ITIH6: variants seen among roughly 807,000 people sequenced by gnomAD.
ITIH6 encodes inter-alpha-trypsin inhibitor heavy chain H6.
Under a neutral mutation model 58.2 loss-of-function variants are expected in ITIH6, and 60 were observed. That is an observed-to-expected ratio of 1.03 (90% CI 0.84 to 1.28). ITIH6 has a LOEUF of 1.28. ITIH6 is among the 50% of genes most tolerant of loss of function. The probability of loss-of-function intolerance (pLI) is 0.00; values close to 1 mark genes in which losing one functional copy is unlikely to be tolerated. For synonymous variants in ITIH6, 493 were observed against 417.4 expected (o/e 1.18, Z -2.21); for missense variants, 1,290 against 1,021.1 (o/e 1.26, Z -3.59).
intron 4 of ITIH6, among the ~76,000 whole-genome samples, chrX:54,788,933 C>T (rs749174427): frequency 8.0e-5 from 9 of 112,521 alleles, no homozygotes; most frequent in African/African-American, 2.6e-4. Context: ...GCAACCTCAC[C>T]CTGCTTCATT....
Position 54,751,091 on chromosome X carries a change from G to A in ITIH6, c.3642C>T (p.Tyr1214=). 1 of 1,204,912 alleles carries A rather than the reference G, an allele frequency of 8.3e-7. No homozygotes were observed. Among genetic ancestry groups the A allele is most frequent in the Non-Finnish European group, 1.1e-6 (1 of 892,097 alleles). Reference sequence around the variant, plus strand: ...GTAGTTGCAGGGTACTGGGATGCCTGTAGCGGTGTCGGAGGACTAGGAACT... The same window carrying A: ...GTAGTTGCAGGGTACTGGGATGCCTATAGCGGTGTCGGAGGACTAGGAACT... ...YLEFLVLRHR[Y]RHPSTLQLPH... The change falls in exon 12 of 13, where the codon TAC becomes TAT. Residue 1214 remains tyrosine (Y), a synonymous_variant. Coordinates refer to ENST00000218436, the MANE Select transcript of ITIH6 (RefSeq NM_198510.3).
intron 8 of ITIH6, among the ~76,000 whole-genome samples, chrX:54,756,061 G>T (rs988506403): frequency 2.7e-5 from 3 of 111,009 alleles, no homozygotes; most frequent in African/African-American, 6.6e-5. Context: ...GTGGGAAGTG[G>T]ATGGATTTGG....
intron 6 of ITIH6, among the ~76,000 whole-genome samples, chrX:54,771,141 G>C (rs1928940076): frequency 8.9e-6 from 1 of 111,816 alleles, no homozygotes; most frequent in Admixed American, 9.5e-5. Context: ...TCTGCTGTCT[G>C]AATATGATAT....
At position 54,753,682 on chromosome X, in the gene ITIH6, G is replaced by A; in HGVS notation, c.3321C>T (p.Asp1107=). The A allele has an allele frequency of 8.3e-7, 1 of 1,210,707 alleles. No homozygotes were observed. Among genetic ancestry groups the A allele is most frequent in the Non-Finnish European group, 1.1e-6 (1 of 894,746 alleles). ...TTGGGTCCTCTATGAGCTGCAGCAA[G>A]TCCCCAGGGTGCCCATTCAGTGTGA... The part of the protein sequence containing the change: ...ICFTLNGHPG[D]LLQLIEDPKA... Residue 1107 remains aspartate (D), a synonymous_variant, in exon 11 of 13, where the codon GAC becomes GAT. Transcript: ENST00000218436.
At chrX:54,781,459 G>A (rs1385547645) in intron 5 of ITIH6, among the ~76,000 whole-genome samples, 1 of 111,937 alleles carries the variant, frequency 8.9e-6, no homozygotes, top group Non-Finnish European at 1.9e-5. Flanking sequence ...ACATACATGC[G>A]GCTAACAACC....
In ITIH6 at chrX:54,751,264, T is replaced by G. The variant is rs1417969444; in HGVS notation, c.3469A>C (p.Ile1157Leu). 1 of 1,209,886 alleles carries G rather than the reference T, an allele frequency of 8.3e-7. No homozygotes were observed. Among genetic ancestry groups the G allele is most frequent in the African/African-American group, 1.8e-5 (1 of 57,129 alleles). ...GATATAGAACTGCGGCTGATGGTGA[T>G]AGTATAGGCCCGGGGTTTGTCTGTA... ...VTTDKPRAYTITISRSSISLR... is the reference protein window; with the variant it reads ...VTTDKPRAYTLTISRSSISLR... The change falls in exon 12 of 13, where the codon ATC (isoleucine) becomes CTC (leucine). Residue 1157 changes from isoleucine to leucine, a missense_variant. Transcript: ENST00000218436.
intron 9 of ITIH6, among the ~76,000 whole-genome samples, chrX:54,754,216 C>G (rs186046237): frequency 9.0e-6 from 1 of 111,588 alleles, no homozygotes; most frequent in East Asian, 2.8e-4. Context: ...TTTTCCTTTC[C>G]CTTAACTACC....
At chrX:54,787,524 G>C (rs755423839) in intron 5 of ITIH6, 1 of 111,347 alleles carries the variant, frequency 9.0e-6, no homozygotes, top group African/African-American at 3.3e-5. Flanking sequence ...GGCTGTGTCC[G>C]ACTCACTTCT....
intron 8 of ITIH6, among the ~76,000 whole-genome samples, chrX:54,756,393 T>C (rs955853822): frequency 3.7e-4 from 41 of 112,085 alleles, no homozygotes; most frequent in African/African-American, 1.2e-3. Context: ...AAAATGACGA[T>C]GTCAAGAAAG....
chrX:54,770,303 G>A (rs1416659939), intron 6 of ITIH6, among the ~76,000 whole-genome samples: 3 of 112,247 alleles, frequency 2.7e-5, no homozygotes, highest in Non-Finnish European at 5.6e-5. Context: ...AGATGAACCC[G>A]GTACCTCAGA....
chrX:54,767,909 G>A (rs1359720647), intron 6 of ITIH6, among the ~76,000 whole-genome samples: 11 of 76,385 alleles, frequency 1.4e-4, no homozygotes, highest in Admixed American at 3.0e-4. Flanking sequence ...TATTAGGTCC[G>A]CTTGGTGCAG....
intron 4 of ITIH6, among the ~76,000 whole-genome samples, chrX:54,789,186 G>A (rs1929299623): frequency 8.9e-6 from 1 of 111,830 alleles, no homozygotes; most frequent in African/African-American, 3.3e-5. Flanking sequence ...TCTGACTCTG[G>A]GCATCATGTG....
chrX:54,753,980 G>C lies in ITIH6; in HGVS notation c.3203-15C>G. The C allele has an allele frequency of 8.3e-7, 1 of 1,206,692 alleles. No individual in the cohort carries two copies. The highest frequency in any genetic ancestry group is 1.1e-6 in the Non-Finnish European group (1 of 891,884). Reference sequence around the variant, plus strand: ...AGGCAATGTGCCTGCAAAGGAGAGAGAGACTGTGTTGGGAAGGGACTAATG... The same window carrying C: ...AGGCAATGTGCCTGCAAAGGAGAGACAGACTGTGTTGGGAAGGGACTAATG... On this transcript the variant is annotated splice_polypyrimidine_tract_variant and intron_variant, in intron 9 of 12. Coordinates refer to ENST00000218436, the MANE Select transcript of ITIH6 (RefSeq NM_198510.3).
chrX:54,796,534 A>T (rs1278127818), intron 2 of ITIH6, among the ~76,000 whole-genome samples: 1 of 109,588 alleles, frequency 9.1e-6, no homozygotes, highest in Non-Finnish European at 1.9e-5. Flanking sequence ...AGTACAAAAA[A>T]TTAGCCGGGT....
chrX:54,760,365 G>A (rs1045866133), intron 6 of ITIH6, among the ~76,000 whole-genome samples: 48 of 110,927 alleles, frequency 4.3e-4, no homozygotes, highest in African/African-American at 1.5e-3. Flanking sequence ...TAGAGCTCTA[G>A]AATTCATTTG....
Position 54,750,060 on chromosome X carries a change from C to A in ITIH6, c.3777G>T (p.Gly1259=), listed in dbSNP as rs199619872. Residue 1259 remains glycine (G), a synonymous_variant, in exon 13 of 13, where the codon GGG becomes GGT. Transcript: ENST00000218436. ...GGCCATGGTGCCTTCGTAAGCATGG[C>A]CCCATAGGTCCTGTCACCAGTCGGA... ...ADIRLVTGPM[G]PCLRRHHGPD... The A allele has an allele frequency of 1.7e-6, 2 of 1,210,649 alleles. No homozygotes were observed. Among genetic ancestry groups the A allele is most frequent in the Admixed American group, 2.2e-5 (1 of 45,995 alleles).
intron 8 of ITIH6, among the ~76,000 whole-genome samples, chrX:54,756,430 G>C (rs974521644): frequency 3.6e-5 from 4 of 112,211 alleles, no homozygotes; most frequent in South Asian, 3.7e-4. Flanking sequence ...AGGATTAAAT[G>C]AGGGACAAGT....
intron 6 of ITIH6, among the ~76,000 whole-genome samples, chrX:54,760,715 G>A (rs1021455411): frequency 9.0e-6 from 1 of 111,171 alleles, no homozygotes; most frequent in Non-Finnish European, 1.9e-5. Flanking sequence ...GAGATAGTTA[G>A]CTGAGAATGA....
chrX:54,782,749 A>G (rs867844242), intron 5 of ITIH6, among the ~76,000 whole-genome samples: 1 of 111,949 alleles, frequency 8.9e-6, no homozygotes, highest in Non-Finnish European at 1.9e-5. Context: ...TCACCACTGA[A>G]TTCTACCAAA....
Sources: allele counts gnomAD v4.1 joint callset (sites outside exome capture counted in the v4.1 genomes callset), GRCh38; gene constraint gnomAD v4.1.1; transcripts MANE v1.5; gene names NCBI Gene and HGNC (gene_info 2026-07-23, HGNC 2026-07-21).